GTF2A2: variants seen among roughly 807,000 people sequenced by gnomAD.
GTF2A2 encodes the protein transcription initiation factor IIA subunit 2.
GTF2A2 carries 9 observed loss-of-function variants against 14.3 expected under a neutral mutation model. The ratio of observed to expected loss-of-function variants is 0.63; its 90% CI spans 0.38 to 1.10. The LOEUF (loss-of-function observed/expected upper bound fraction) is 1.10. GTF2A2 is among the 50% of genes least tolerant of loss of function. The probability of loss-of-function intolerance (pLI) is 0.01; values close to 1 mark genes in which losing one functional copy is unlikely to be tolerated. For missense variants in GTF2A2, 90 were observed against 124.6 expected (o/e 0.72, Z 1.32); for synonymous variants, 56 against 46.0 (o/e 1.22, Z -0.88).
At chr15:59,642,533 C>G (rs927247579) in intron 3 of GTF2A2, among the ~76,000 whole-genome samples, 2 of 152,072 alleles carry the variant, frequency 1.3e-5, no homozygotes, top group Admixed American at 6.5e-5. Flanking sequence ...TAAAAACTTG[C>G]GTTTGTATTT....
intron 4 of GTF2A2, chr15:59,640,363 C>T (rs957807399): frequency 1.3e-5 from 2 of 152,182 alleles, no homozygotes; most frequent in African/African-American, 4.8e-5. Flanking sequence ...AGTATTTATT[C>T]TGTTCAGAGG....
At position 59,639,121 on chromosome 15, in the gene GTF2A2, A is replaced by G; in HGVS notation, c.*11T>C. On this transcript the variant is annotated 3_prime_UTR_variant, in exon 5 of 5. Transcript: ENST00000396060. The stretch of plus-strand genomic sequence containing the variant: ...ACAGAAGATGGTGTAAAAAAGTCAT[A>G]TTTTTTCTATTCATTCTGTAGTATT... 2.1e-6 allele frequency: 3 copies of G among 1,401,132 alleles called. No individual in the cohort carries two copies. Among genetic ancestry groups the G allele is most frequent in the Middle Eastern group, 1.9e-4 (1 of 5,306 alleles). 86.8% of individuals were successfully genotyped at this position (1,401,132 alleles called of 1,614,324 possible).
At chr15:59,653,567 G>C (rs561214100) in intron 1 of GTF2A2, among the ~76,000 whole-genome samples, 1 of 151,754 alleles carries the variant, frequency 6.6e-6, no homozygotes, top group Non-Finnish European at 1.5e-5. Flanking sequence ...TGTAACTGTT[G>C]AACTGCCCTA....
At position 59,642,152 on chromosome 15, in the gene GTF2A2, T is replaced by A; in HGVS notation, c.288A>T (p.Val96=). The A allele has an allele frequency of 6.2e-7, 1 of 1,607,354 alleles. No homozygotes were observed. Among genetic ancestry groups the A allele is most frequent in the Non-Finnish European group, 8.5e-7 (1 of 1,177,470 alleles). The part of the protein sequence containing the change: ...ELIKVDKVKI[V]ACDGKNTGSN... ...AGCACTTACTTTTACCATCACAGGCTACAATTTTCACTTTATCCACTTTAA... is the reference window on the plus strand; with the variant it reads ...AGCACTTACTTTTACCATCACAGGCAACAATTTTCACTTTATCCACTTTAA... The change falls in exon 4 of 5, where the codon GTA becomes GTT. Residue 96 remains valine, a synonymous_variant. Transcript: ENST00000396060.
rs1220721894 is a variant in GTF2A2 at position 59,638,506 on chromosome 15, ATTTTGTTTGGGTTT to A, written c.*612_*625del. On this transcript the variant is annotated 3_prime_UTR_variant, in exon 5 of 5. Coordinates refer to ENST00000396060, the MANE Select transcript of GTF2A2 (RefSeq NM_004492.3). Reference sequence around the variant, plus strand: ...AAGACACCTGTCATGTGGGGGGACTATTTTGTTTGGGTTTTTTTCCCCCTTCCTCATGTTACCTG... The same window carrying A: ...AAGACACCTGTCATGTGGGGGGACTATTTTCCCCCTTCCTCATGTTACCTG... 6.6e-6 allele frequency: 1 copy of A among 152,048 alleles called. No individual in the cohort carries two copies. Among genetic ancestry groups the A allele is most frequent in the Non-Finnish European group, 1.5e-5 (1 of 68,166 alleles). 9.4% of individuals were successfully genotyped at this position (152,048 alleles called of 1,614,324 possible).
At chr15:59,647,159 C>A (rs1197470013) in intron 3 of GTF2A2, among the ~76,000 whole-genome samples, 1 of 152,178 alleles carries the variant, frequency 6.6e-6, no homozygotes, top group Non-Finnish European at 1.5e-5. Flanking sequence ...ATGGCATGAT[C>A]ATGGCTCACT....
intron 3 of GTF2A2, among the ~76,000 whole-genome samples, chr15:59,646,525 G>GA (rs1891612326): frequency 6.6e-6 from 1 of 152,124 alleles, no homozygotes; most frequent in Admixed American, 6.6e-5. Flanking sequence ...AACAAAGCAA[G>GA]TCCTTGGGAT....
intron 3 of GTF2A2, among the ~76,000 whole-genome samples, chr15:59,642,623 G>C (rs918425641): frequency 6.6e-6 from 1 of 152,174 alleles, no homozygotes; most frequent in African/African-American, 2.4e-5. Context: ...ATTTTATTGT[G>C]TATGTTAATT....
In GTF2A2 at chr15:59,638,968, T is replaced by G; in HGVS notation, c.*164A>C. 1 of 606,286 alleles carries G rather than the reference T, an allele frequency of 1.6e-6. No homozygotes were observed. 37.6% of individuals were successfully genotyped at this position (606,286 alleles called of 1,614,324 possible). On this transcript the variant is annotated 3_prime_UTR_variant, in exon 5 of 5. Transcript: ENST00000396060. ...TTTTCATGCTGTATAATAAAGGTGA[T>G]GTAAGAGGCTACAGAGTTACAAGTT...
rs972456996 is a variant in GTF2A2, at chr15:59,638,893, G to A, written c.*239C>T. ...AGAGTTTTAAAATGAGTTTATTAAA[G>A]AAGGTTCTTAGGAAGGCAACAACTT... On this transcript the variant is annotated 3_prime_UTR_variant, in exon 5 of 5. Coordinates refer to ENST00000396060, the MANE Select transcript of GTF2A2 (RefSeq NM_004492.3). 7.1e-6 allele frequency: 3 copies of A among 419,936 alleles called. No homozygotes were observed. The Admixed American group carries it at 1.3e-4, about 18-fold the overall frequency. 26.0% of individuals were successfully genotyped at this position (419,936 alleles called of 1,614,324 possible).
chr15:59,641,798 G>A (rs919716512), intron 4 of GTF2A2, among the ~76,000 whole-genome samples: 11 of 152,198 alleles, frequency 7.2e-5, no homozygotes, highest in Non-Finnish European at 1.2e-4. Context: ...AGAAACCATA[G>A]GATTGTAAAA....
At chr15:59,652,350 T>TA in intron 1 of GTF2A2, 24 bp from the exon 2 acceptor site, 2 of 780,438 alleles carry the variant, frequency 2.6e-6, no homozygotes, top group South Asian at 1.5e-5. Context: ...ATAAAATTGT[T>TA]AAAAAAGATC....
chr15:59,641,106 C>T (rs531027940), intron 4 of GTF2A2, among the ~76,000 whole-genome samples: 1 of 151,576 alleles, frequency 6.6e-6, no homozygotes, highest in East Asian at 1.9e-4. Context: ...GTAATCCCAG[C>T]ACTCTGGGAG....
chr15:59,650,800 C>T (rs1357681900), intron 2 of GTF2A2, 27 bp from the exon 3 acceptor site: 2 of 1,175,638 alleles, frequency 1.7e-6, no homozygotes, highest in African/African-American at 1.5e-5. Context: ...GTCATAAATC[C>T]CGTTAAGGAA....
intron 3 of GTF2A2, among the ~76,000 whole-genome samples, chr15:59,649,655 C>T (rs1891731069): frequency 6.6e-6 from 1 of 152,136 alleles, no homozygotes; most frequent in Non-Finnish European, 1.5e-5. Flanking sequence ...AATTTTTTGG[C>T]ACATGAAACT....
chr15:59,639,463 A>ATT (rs1158830832), intron 4 of GTF2A2, among the ~76,000 whole-genome samples: 1,120 of 39,294 alleles, frequency 0.029, 15 homozygotes, highest in African/African-American at 0.07. Context: ...TACTGTCCCA[A>ATT]ATTTTTTTTT....
At chr15:59,647,880 T>C (rs548178236) in intron 3 of GTF2A2, among the ~76,000 whole-genome samples, 97 of 152,062 alleles carry the variant, frequency 6.4e-4, no homozygotes, top group African/African-American at 2.3e-3. Flanking sequence ...TAAAAGAACA[T>C]CTTAAAAGTT....
At chr15:59,639,588 GAGT>G (rs1891324336) in intron 4 of GTF2A2, among the ~76,000 whole-genome samples, 4 of 150,228 alleles carry the variant, frequency 2.7e-5, no homozygotes, top group Admixed American at 6.7e-5. Flanking sequence ...TCAGCCTCCC[GAGT>G]AGCTGGGACT....
At chr15:59,643,499 G>A (rs1297126616) in intron 3 of GTF2A2, among the ~76,000 whole-genome samples, 2 of 151,504 alleles carry the variant, frequency 1.3e-5, no homozygotes, top group African/African-American at 4.9e-5. Flanking sequence ...TTACAGGCGT[G>A]AGCCACCATG....
Sources: allele counts gnomAD v4.1 joint callset (sites outside exome capture counted in the v4.1 genomes callset), GRCh38; gene constraint gnomAD v4.1.1; transcripts MANE v1.5; gene names NCBI Gene and HGNC (gene_info 2026-07-23, HGNC 2026-07-21).